NEBL: variants seen among roughly 807,000 people sequenced by gnomAD.
The protein encoded by NEBL is nebulette.
Under a neutral mutation model 140.2 loss-of-function variants are expected in NEBL, and 122 were observed. The observed-to-expected ratio is 0.87, with a 90% confidence interval of 0.75 to 1.01. The LOEUF is 1.01. Among genes scored for constraint, NEBL ranks in the 50% least tolerant of loss-of-function variants. The probability of loss-of-function intolerance (pLI) is 0.00; values close to 1 mark genes in which losing one functional copy is unlikely to be tolerated. For synonymous variants in NEBL, 436 were observed against 398.9 expected (o/e 1.09, Z -1.11); for missense variants, 1,365 against 1,231.3 (o/e 1.11, Z -1.62).
chr10:21,171,264 G>A (rs1841060630), intron 2 of NEBL, among the ~76,000 whole-genome samples: 1 of 151,630 alleles, frequency 6.6e-6, no homozygotes, highest in Non-Finnish European at 1.5e-5. Context: ...GAACCTGGGA[G>A]GTGGTGGTTG....
At chr10:21,028,951 G>C (rs1435058481) in intron 2 of NEBL, 2 of 536,160 alleles carry the variant, frequency 3.7e-6, no homozygotes, top group East Asian at 3.1e-5. Flanking sequence ...ATACTAATAT[G>C]AGACAAAATG....
rs143962290 is a variant in NEBL at position 20,869,806 on chromosome 10, C to T, written c.516G>A (p.Thr172=). 77 of 1,613,216 alleles carry T rather than the reference C, an allele frequency of 4.8e-5. No individual in the cohort carries two copies. Among genetic ancestry groups the T allele is most frequent in the Middle Eastern group, 3.3e-4 (2 of 6,060 alleles). The part of the protein sequence containing the change: ...SYRKDVQDTH[T]YSAELDRPDI... ...CTGGTCGGTCAAGTTCTGCACTGTA[C>T]GTGTGGGTGTCCTGCACGTCTTTCC... Residue 172 remains threonine (T), a synonymous_variant, in exon 6 of 28, where the codon ACG becomes ACA. Transcript: ENST00000377122.
intron 3 of NEBL, among the ~76,000 whole-genome samples, chr10:21,227,257 C>T (rs1022168931): frequency 4.6e-5 from 7 of 152,130 alleles, no homozygotes; most frequent in African/African-American, 1.4e-4. Context: ...CTCCTTGCCT[C>T]CATTCAGTTA....
At chr10:20,836,284 G>A (rs570761489) in intron 13 of NEBL, among the ~76,000 whole-genome samples, 126 of 152,138 alleles carry the variant, frequency 8.3e-4, no homozygotes, top group African/African-American at 2.9e-3. Context: ...GTGCAGTGGC[G>A]TGATCTCGGC....
chr10:20,860,507 A>G (rs1430496312), intron 7 of NEBL, among the ~76,000 whole-genome samples: 6 of 149,680 alleles, frequency 4.0e-5, no homozygotes, highest in Non-Finnish European at 8.9e-5. Flanking sequence ...CCATGTATAG[A>G]GAAATATGAG....
chr10:20,905,371 G>A (rs1482568747), intron 4 of NEBL, among the ~76,000 whole-genome samples: 3 of 152,162 alleles, frequency 2.0e-5, no homozygotes, highest in Admixed American at 6.5e-5. Flanking sequence ...TTGCATGGCT[G>A]GGGAGGCCTC....
intron 1 of NEBL, among the ~76,000 whole-genome samples, chr10:21,259,937 T>C (rs1564551344): frequency 6.6e-6 from 1 of 152,182 alleles, no homozygotes; most frequent in South Asian, 2.1e-4. Context: ...GCAGCCACTT[T>C]GCAACCAAGA....
intron 4 of NEBL, among the ~76,000 whole-genome samples, chr10:20,912,509 T>G (rs1848371098): frequency 6.6e-6 from 1 of 152,212 alleles, no homozygotes; most frequent in Non-Finnish European, 1.5e-5. Flanking sequence ...CTTTTCTCAT[T>G]CTTCACATGT....
At chr10:21,255,108 G>A (rs1842639187) in intron 1 of NEBL, among the ~76,000 whole-genome samples, 1 of 152,114 alleles carries the variant, frequency 6.6e-6, no homozygotes, top group African/African-American at 2.4e-5. Flanking sequence ...GCTTGAGTCT[G>A]AAGATGGTTC....
At chr10:21,167,487 G>C (rs967102238) in intron 2 of NEBL, among the ~76,000 whole-genome samples, 1 of 152,164 alleles carries the variant, frequency 6.6e-6, no homozygotes, top group Admixed American at 6.5e-5. Context: ...CTATTGCGTC[G>C]TTCCTTGGTG....
chr10:21,151,071 G>A (rs1018052046), intron 2 of NEBL, among the ~76,000 whole-genome samples: 6 of 152,216 alleles, frequency 3.9e-5, no homozygotes, highest in African/African-American at 1.4e-4. Flanking sequence ...GATGAAATGA[G>A]GGAGAGCAAA....
chr10:20,902,345 G>T (rs1039231784), intron 4 of NEBL, among the ~76,000 whole-genome samples: 2 of 152,012 alleles, frequency 1.3e-5, no homozygotes, highest in African/African-American at 4.8e-5. Context: ...GGCAGAGCTT[G>T]CAGTGAGCCA....
intron 2 of NEBL, among the ~76,000 whole-genome samples, chr10:21,150,576 T>G (rs545029767): frequency 6.6e-6 from 1 of 152,334 alleles, no homozygotes; most frequent in East Asian, 1.9e-4. Flanking sequence ...GTGGGGTTGT[T>G]TGGCAAATAT....
chr10:20,987,336 C>T (rs1364726287), intron 3 of NEBL, among the ~76,000 whole-genome samples: 2 of 152,110 alleles, frequency 1.3e-5, no homozygotes, highest in African/African-American at 2.4e-5. Flanking sequence ...ATTGCTGCTT[C>T]CAGGCCTTTG....
chr10:20,888,298 C>T (rs1846712006), intron 3 of NEBL, 91 bp from the exon 4 acceptor site: 2 of 794,508 alleles, frequency 2.5e-6, no homozygotes, highest in Admixed American at 5.0e-5. Flanking sequence ...AACTTTCTCC[C>T]AAAACAGAAT....
chr10:21,104,751 T>C (rs1048275493), intron 2 of NEBL, among the ~76,000 whole-genome samples: 1 of 152,180 alleles, frequency 6.6e-6, no homozygotes, highest in African/African-American at 2.4e-5. Flanking sequence ...GATAAGAACT[T>C]CCAGTACTAT....
At chr10:20,802,818 C>G (rs1837241451) in intron 26 of NEBL, among the ~76,000 whole-genome samples, 1 of 152,182 alleles carries the variant, frequency 6.6e-6, no homozygotes, top group Non-Finnish European at 1.5e-5. Context: ...TAAAACAGAC[C>G]ACTTTCAGAA....
Position 21,279,760 on chromosome 10 carries a change from A to G in NEBL, n.182+13070T>C, listed in dbSNP as rs1034606293. 3.0e-3 allele frequency among the ~76,000 whole-genome samples: 458 copies of G among 151,390 alleles called. 3 individuals carry two copies. The highest frequency in any genetic ancestry group is 1.0e-2 in the African/African-American group (411 of 41,296). ...GTGACAGAGCCAGAATCCATATAAA[A>G]AAAAAAAAAAAAAGTAAAAACCATT... On this transcript the variant is annotated intron_variant and non_coding_transcript_variant, in intron 1 of 8. Transcript: ENST00000675702.
intron 19 of NEBL, among the ~76,000 whole-genome samples, chr10:20,821,749 C>T (rs920643434): frequency 1.3e-5 from 2 of 152,112 alleles, no homozygotes; most frequent in African/African-American, 4.8e-5. Context: ...ACTTTAGAGA[C>T]ACTGTGGGAA....
Sources: gnomAD v4.1 joint callset for allele counts (sites outside exome capture counted in the v4.1 genomes callset) on GRCh38, gnomAD v4.1.1 for gene constraint, MANE v1.5 for transcripts, NCBI Gene and HGNC (gene_info 2026-07-23, HGNC 2026-07-21) for gene names.